Variants in PKHD1 observed in about 807,000 individuals in gnomAD.
PKHD1 encodes fibrocystin.
Under a neutral mutation model 412.0 loss-of-function variants are expected in PKHD1, and 291 were observed. That is an observed-to-expected ratio of 0.71 (90% CI 0.64 to 0.78). The LOEUF (loss-of-function observed/expected upper bound fraction) is 0.78. Among genes scored for constraint, PKHD1 ranks in the 30% least tolerant of loss-of-function variants. The pLI, the probability that PKHD1 is intolerant of heterozygous loss-of-function variation, is 0.00. For missense variants in PKHD1, 4,825 were observed against 4,950.7 expected (o/e 0.97, Z 0.76); for synonymous variants, 1,777 against 1,821.5 (o/e 0.98, Z 0.62).
chr6:51,693,452 T>C (rs1778414271), intron 60 of PKHD1, among the ~76,000 whole-genome samples: 2 of 152,240 alleles, frequency 1.3e-5, no homozygotes, highest in Admixed American at 1.3e-4. Flanking sequence ...GAACTGACCA[T>C]GTGCCTGGGA....
intron 34 of PKHD1, among the ~76,000 whole-genome samples, chr6:52,013,683 A>G (rs941957605): frequency 6.6e-6 from 1 of 152,130 alleles, no homozygotes; most frequent in Non-Finnish European, 1.5e-5. Context: ...ACACACACAC[A>G]TATTTACTTT....
chr6:51,662,813 TTAAAG>T (rs1338627884), intron 60 of PKHD1, among the ~76,000 whole-genome samples: 7 of 152,110 alleles, frequency 4.6e-5, no homozygotes, highest in African/African-American at 1.7e-4. Flanking sequence ...ATTCAACAAC[TTAAAG>T]TAGACAAATT....
In PKHD1 at chr6:51,768,848, A is replaced by T. The variant is rs2151110906; in HGVS notation, c.8642+3854T>A. On this transcript the variant is annotated intron_variant, in intron 55 of 66. Coordinates refer to ENST00000371117, the MANE Select transcript of PKHD1 (RefSeq NM_138694.4). ...CCAGTGCTTCTCAACTAATGGTTAT[A>T]CCATCCAAATAAATAGCATTAATTT... Among the ~76,000 whole-genome samples, 2 of 151,812 alleles carry T rather than the reference A, an allele frequency of 1.3e-5. 1 individual carries two copies. The highest frequency in any genetic ancestry group is 4.2e-4 in the South Asian group (2 of 4,794).
intron 7 of PKHD1, 27 bp from the exon 8 acceptor site, chr6:52,072,216 A>C (rs373828621): frequency 2.4e-5 from 34 of 1,417,804 alleles, no homozygotes; most frequent in South Asian, 1.1e-4. Context: ...ATGAAAACAA[A>C]AGACAAGAGA....
chr6:51,994,224 T>A (rs1284010374), intron 35 of PKHD1, among the ~76,000 whole-genome samples: 1 of 150,918 alleles, frequency 6.6e-6, no homozygotes, highest in Admixed American at 6.6e-5. Flanking sequence ...AAGCTCCGCC[T>A]CCCGGGTTCA....
intron 66 of PKHD1, chr6:51,622,251 A>T (rs1029675711): frequency 9.9e-5 from 15 of 152,210 alleles, no homozygotes; most frequent in African/African-American, 3.6e-4. Flanking sequence ...GACTTTTAAA[A>T]TTTGTGTGGG....
intron 55 of PKHD1, among the ~76,000 whole-genome samples, chr6:51,767,445 T>A (rs1208786416): frequency 6.6e-6 from 1 of 152,100 alleles, no homozygotes; most frequent in Non-Finnish European, 1.5e-5. Flanking sequence ...CATTAACTCG[T>A]CATTTAGCTA....
intron 48 of PKHD1, among the ~76,000 whole-genome samples, chr6:51,859,462 C>G (rs1272985430): frequency 2.8e-5 from 4 of 144,156 alleles, no homozygotes; most frequent in African/African-American, 1.0e-4. Flanking sequence ...GGAGGCAGAG[C>G]CTGTAGTGAG....
At chr6:51,900,043 C>G (rs965364054) in intron 43 of PKHD1, among the ~76,000 whole-genome samples, 3 of 152,260 alleles carry the variant, frequency 2.0e-5, no homozygotes, top group South Asian at 4.2e-4. Flanking sequence ...GAAGAACATT[C>G]CATGCTCATG....
intron 37 of PKHD1, among the ~76,000 whole-genome samples, chr6:51,922,040 C>A (rs1480987284): frequency 1.3e-5 from 2 of 152,208 alleles, no homozygotes; most frequent in Non-Finnish European, 2.9e-5. Flanking sequence ...AGCTTTTCTG[C>A]TCTGGTTTCT....
intron 43 of PKHD1, among the ~76,000 whole-genome samples, chr6:51,898,022 G>C (rs1402144243): frequency 1.4e-5 from 2 of 148,066 alleles, no homozygotes; most frequent in Non-Finnish European, 3.0e-5. Context: ...AGCAAGTCCT[G>C]AGTGACCTAC....
At chr6:52,039,775 A>C (rs1268930866) in intron 27 of PKHD1, among the ~76,000 whole-genome samples, 1 of 152,224 alleles carries the variant, frequency 6.6e-6, no homozygotes, top group African/African-American at 2.4e-5. Flanking sequence ...AAGAACTGAA[A>C]GCATATATTC....
At chr6:51,881,575 T>C (rs1777369755) in intron 46 of PKHD1, among the ~76,000 whole-genome samples, 1 of 152,194 alleles carries the variant, frequency 6.6e-6, no homozygotes. Flanking sequence ...AACATTGGTA[T>C]GAACACTAAT....
chr6:51,811,329 T>C (rs1764650811), intron 52 of PKHD1, among the ~76,000 whole-genome samples: 1 of 152,108 alleles, frequency 6.6e-6, no homozygotes, highest in Non-Finnish European at 1.5e-5. Context: ...TTTATAAAAG[T>C]GAAAAAATTG....
chr6:51,832,582 G>C (rs1488973521), intron 51 of PKHD1, among the ~76,000 whole-genome samples: 1 of 152,076 alleles, frequency 6.6e-6, no homozygotes, highest in Non-Finnish European at 1.5e-5. Context: ...GGGTATCTCT[G>C]TGGTCTCCAG....
chr6:51,739,996 C>T (rs771717656), intron 60 of PKHD1: 51 of 518,822 alleles, frequency 9.8e-5, no homozygotes, highest in Non-Finnish European at 1.7e-4. Context: ...CTGAATGGGA[C>T]ATTAATTTCA....
intron 35 of PKHD1, among the ~76,000 whole-genome samples, chr6:51,987,010 C>T (rs943025903): frequency 6.6e-6 from 1 of 152,160 alleles, no homozygotes; most frequent in Non-Finnish European, 1.5e-5. Context: ...TTAAAGAAAG[C>T]GTGGGTACAG....
chr6:52,022,979 A>C (rs775154710), intron 32 of PKHD1, 35 bp from the exon 33 acceptor site: 2 of 1,612,944 alleles, frequency 1.2e-6, no homozygotes, highest in Admixed American at 1.7e-5. Context: ...TTGATCATAC[A>C]GGCAAATCTC....
At chr6:51,846,871 T>G (rs1771255129) in intron 50 of PKHD1, among the ~76,000 whole-genome samples, 1 of 152,190 alleles carries the variant, frequency 6.6e-6, no homozygotes, top group South Asian at 2.1e-4. Flanking sequence ...CCGTCTTAAT[T>G]CAGCCTCTCT....
Sources: allele counts gnomAD v4.1 joint callset (sites outside exome capture counted in the v4.1 genomes callset), GRCh38; gene constraint gnomAD v4.1.1; transcripts MANE v1.5; gene names NCBI Gene and HGNC (gene_info 2026-07-23, HGNC 2026-07-21).